Variants in KIF5B observed in about 807,000 individuals in gnomAD.
KIF5B encodes the protein kinesin-1 heavy chain.
A neutral mutation model predicts 132.8 loss-of-function variants in KIF5B; 49 were observed. The observed-to-expected ratio is 0.37, with a 90% CI of 0.29 to 0.47. The LOEUF (loss-of-function observed/expected upper bound fraction) is 0.47. Among genes scored for constraint, KIF5B ranks in the 20% least tolerant of loss-of-function variants. The pLI is 1.00. For missense variants in KIF5B, 780 were observed against 1,144.0 expected, an observed-to-expected ratio of 0.68 and a Z score of 4.59; for synonymous variants, 355 against 369.4, an observed-to-expected ratio of 0.96 and a Z score of 0.45.
chr10:32,043,114 G>A (rs1022624912), intron 2 of KIF5B, among the ~76,000 whole-genome samples: 3 of 151,724 alleles, frequency 2.0e-5, no homozygotes, highest in South Asian at 2.1e-4. Flanking sequence ...AGCAATTCTC[G>A]TGCCTCAGCC....
At chr10:32,020,145 G>A (rs1337310049) in intron 19 of KIF5B, among the ~76,000 whole-genome samples, 186 bp from the exon 20 acceptor site, 6 of 152,078 alleles carry the variant, frequency 3.9e-5, no homozygotes, top group South Asian at 2.1e-4. Flanking sequence ...TCGTATTTTG[G>A]TTTGAAATCA....
chr10:32,054,320 C>T (rs987024282), intron 1 of KIF5B, among the ~76,000 whole-genome samples: 7 of 152,240 alleles, frequency 4.6e-5, no homozygotes, highest in Non-Finnish European at 1.0e-4. Context: ...TACTCCGCCT[C>T]TGCCGGGCTA....
chr10:32,030,996 G>T (rs920875799), intron 14 of KIF5B, 77 bp downstream of exon 14: 1 of 1,007,994 alleles, frequency 9.9e-7, no homozygotes. Context: ...ACATAGAAAA[G>T]TAAGTTATTT....
At chr10:32,040,534 T>C (rs1263783019) in intron 2 of KIF5B, 77 bp from the exon 3 acceptor site, 2 of 814,786 alleles carry the variant, frequency 2.5e-6, no homozygotes, top group South Asian at 1.4e-5. Context: ...AACTACAGGA[T>C]GACAGGGTAG....
chr10:32,030,091 C>A (rs1012878872), intron 14 of KIF5B, among the ~76,000 whole-genome samples: 1 of 152,190 alleles, frequency 6.6e-6, no homozygotes, highest in Non-Finnish European at 1.5e-5. Flanking sequence ...AAGAAGCTAG[C>A]ATTAACCACA....
Position 32,018,305 on chromosome 10 carries a change from A to C in KIF5B, c.2439+11T>G. The C allele has an allele frequency of 2.0e-6, 3 of 1,500,286 alleles. No homozygotes were observed. Among genetic ancestry groups the C allele is most frequent in the Non-Finnish European group, 2.7e-6 (3 of 1,125,278 alleles). The allele number at this position is 1,500,286 out of a possible 1,614,324, so 92.9% of individuals were successfully genotyped here. On this transcript the variant is annotated intron_variant, in intron 22 of 25. Transcript: ENST00000302418. ...TTTATGCAAACGCCTACCTCGGCATAGTTACATTACCTTTTTAACTCTTGT... is the reference window on the plus strand; with the variant it reads ...TTTATGCAAACGCCTACCTCGGCATCGTTACATTACCTTTTTAACTCTTGT...
Position 32,039,342 on chromosome 10 carries a change from C to A in KIF5B, c.378G>T (p.Leu126Phe). ...AGGAATTTACCTTAATATGAAATTC[C>A]AAATTTTCATCCATGGAGTAAATAT... ...FNYIYSMDEN[L>F]EFHIKVSYFE... The change falls in exon 4 of 26, where the codon TTG (leucine) becomes TTT (phenylalanine). Residue 126 changes from leucine to phenylalanine, a missense_variant. Transcript: ENST00000302418. 1 of 1,244,520 alleles carries A rather than the reference C, an allele frequency of 8.0e-7. No individual in the cohort carries two copies. The highest frequency in any genetic ancestry group is 1.1e-6 in the Non-Finnish European group (1 of 878,648). 77.1% of individuals were successfully genotyped at this position (1,244,520 alleles called of 1,614,324 possible).
In KIF5B at chr10:32,033,918, C is replaced by T. The variant is rs1455192949; in HGVS notation, c.1232G>A (p.Gly411Glu). 4 of 1,613,262 alleles carry T rather than the reference C, an allele frequency of 2.5e-6. No homozygotes were observed. Among genetic ancestry groups the T allele is most frequent in the East Asian group, 2.2e-5 (1 of 44,820 alleles). The part of the protein sequence containing the change: ...DKPATAIGVI[G>E]NFTDAERRKC... ...TCTTCTTTCAGCATCAGTAAAATTTCCTATAACTCCAATTGCGGTTGCTGG... is the reference window on the plus strand; with the variant it reads ...TCTTCTTTCAGCATCAGTAAAATTTTCTATAACTCCAATTGCGGTTGCTGG... The change falls in exon 12 of 26, where the codon GGA becomes GAA. Residue 411 changes from glycine (G) to glutamate (E), a missense_variant. By Grantham distance (98) the Gly-to-Glu change is moderately conservative. Coordinates refer to ENST00000302418, the MANE Select transcript of KIF5B (RefSeq NM_004521.3).
At chr10:32,046,390 A>G (rs1592453789) in intron 2 of KIF5B, among the ~76,000 whole-genome samples, 1 of 152,240 alleles carries the variant, frequency 6.6e-6, no homozygotes, top group East Asian at 1.9e-4. Context: ...TGTTGCAGTC[A>G]TTTACACAAT....
chr10:32,053,516 G>A (rs1841718832), intron 1 of KIF5B, among the ~76,000 whole-genome samples: 1 of 151,760 alleles, frequency 6.6e-6, no homozygotes, highest in African/African-American at 2.4e-5. Context: ...CCTTAGGTCA[G>A]GAGTTCGAGA....
intron 24 of KIF5B, among the ~76,000 whole-genome samples, chr10:32,015,949 G>C (rs1258381586): frequency 3.3e-5 from 5 of 152,064 alleles, no homozygotes; most frequent in African/African-American, 1.2e-4. Context: ...TTCAAGACCA[G>C]ACTAGGCAAT....
At position 32,036,547 on chromosome 10, in the gene KIF5B, G is replaced by C. The variant is rs536548277; in HGVS notation, c.712-553C>G. On this transcript the variant is annotated intron_variant, in intron 8 of 25. Coordinates refer to ENST00000302418, the MANE Select transcript of KIF5B (RefSeq NM_004521.3). ...CAATTCTCCTGCCTCAGCCTCCCCA[G>C]TAGCTGGTATTACGGGCATGTGCCA... is the stretch of plus-strand genomic sequence containing the variant. Among the ~76,000 whole-genome samples, 80 of 152,176 alleles carry C rather than the reference G, an allele frequency of 5.3e-4. No homozygotes were observed. In the South Asian group the frequency reaches 0.016, roughly 31 times the overall value.
chr10:32,033,786 A>G, intron 12 of KIF5B, 59 bp downstream of exon 12: 1 of 1,186,088 alleles, frequency 8.4e-7, no homozygotes, highest in East Asian at 2.5e-5. Flanking sequence ...TTAGAAAATA[A>G]AAACACCCAT....
chr10:32,016,952 C>T (rs1186272322), intron 24 of KIF5B, among the ~76,000 whole-genome samples, 191 bp downstream of exon 24: 3 of 152,160 alleles, frequency 2.0e-5, no homozygotes, highest in African/African-American at 7.2e-5. Flanking sequence ...TTCTTGCTTG[C>T]TTCTCTAGTT....
At position 32,028,420 on chromosome 10, in the gene KIF5B, A is replaced by G. The variant is rs113623293; in HGVS notation, c.1725+8T>C. 7.5e-6 allele frequency: 12 copies of G among 1,603,432 alleles called. 1 individual carries two copies. The highest frequency in any genetic ancestry group is 6.7e-5 in the African/African-American group (5 of 74,680). On this transcript the variant is annotated splice_region_variant and intron_variant, in intron 15 of 25. Transcript: ENST00000302418. Reference sequence around the variant, plus strand: ...TAATTGTCCTTAATACTTAGTTATTATATTTACCTTTACATCATTATTTCC... The same window carrying G: ...TAATTGTCCTTAATACTTAGTTATTGTATTTACCTTTACATCATTATTTCC...
At chr10:32,035,869 A>T (rs752204071) in intron 9 of KIF5B, 21 bp downstream of exon 9, 1 of 1,568,128 alleles carries the variant, frequency 6.4e-7, no homozygotes, top group South Asian at 1.1e-5. Context: ...TAACAGGGAG[A>T]TAGAAGACAT....
At chr10:32,014,865 C>CT (rs1841136919) in intron 25 of KIF5B, among the ~76,000 whole-genome samples, 1 of 152,132 alleles carries the variant, frequency 6.6e-6, no homozygotes, top group African/African-American at 2.4e-5. Context: ...GCTCACGCCT[C>CT]TAATTCCAGC....
chr10:32,012,116 G>GT (rs1205311992), intron 25 of KIF5B, among the ~76,000 whole-genome samples: 1 of 152,184 alleles, frequency 6.6e-6, no homozygotes, highest in Non-Finnish European at 1.5e-5. Flanking sequence ...AAAAGTATCA[G>GT]TATTATAAAT....
chr10:32,045,438 A>C (rs749705997), intron 2 of KIF5B, among the ~76,000 whole-genome samples: 3 of 152,230 alleles, frequency 2.0e-5, no homozygotes, highest in Admixed American at 2.0e-4. Flanking sequence ...ACAGAACAAC[A>C]GAATAAACAT....
Sources: gnomAD v4.1 joint callset for allele counts (sites outside exome capture counted in the v4.1 genomes callset) on GRCh38, gnomAD v4.1.1 for gene constraint, MANE v1.5 for transcripts, NCBI Gene and HGNC (gene_info 2026-07-23, HGNC 2026-07-21) for gene names.